GULP1: variants seen among roughly 807,000 people sequenced by gnomAD.
GULP1 encodes GULP PTB domain containing engulfment adaptor 1, also known as PTB domain-containing engulfment adapter protein 1.
Under a neutral mutation model 40.9 loss-of-function variants are expected in GULP1, and 19 were observed. That is an observed-to-expected ratio of 0.46 (90% confidence interval 0.32 to 0.68). The LOEUF (loss-of-function observed/expected upper bound fraction) is 0.68, where lower values mean the gene tolerates loss of function less well. GULP1 is among the 30% of genes least tolerant of loss of function. The pLI, the probability that GULP1 is intolerant of heterozygous loss-of-function variation, is 0.03. For missense variants in GULP1, 312 were observed against 362.2 expected (o/e 0.86, Z 1.12); for synonymous variants, 119 against 117.6 (o/e 1.01, Z -0.08).
intron 2 of GULP1, among the ~76,000 whole-genome samples, chr2:188,446,023 C>G (rs192763718): frequency 7.9e-5 from 12 of 152,268 alleles, no homozygotes; most frequent in South Asian, 6.2e-4. Context: ...ATTCCTCTAG[C>G]CTTTCTTGTC....
intron 1 of GULP1, among the ~76,000 whole-genome samples, chr2:188,363,243 T>A (rs567213499): frequency 1.8e-4 from 28 of 152,140 alleles, no homozygotes; most frequent in Non-Finnish European, 3.5e-4. Context: ...TTTGAATAAT[T>A]ACAGTATATC....
At chr2:188,455,182 C>T (rs79172526) in intron 2 of GULP1, among the ~76,000 whole-genome samples, 2,936 of 152,166 alleles carry the variant, frequency 0.019, 89 homozygotes, top group African/African-American at 0.064. Flanking sequence ...AATATATTCA[C>T]ATGACAGACA....
intron 2 of GULP1, among the ~76,000 whole-genome samples, chr2:188,412,698 C>T (rs921273742): frequency 3.9e-5 from 6 of 152,114 alleles, no homozygotes; most frequent in African/African-American, 1.4e-4. Context: ...AGACTTGAAG[C>T]CTTTTGAATT....
At chr2:188,392,021 A>G (rs143856994) in intron 2 of GULP1, among the ~76,000 whole-genome samples, 58 of 151,850 alleles carry the variant, frequency 3.8e-4, no homozygotes, top group Admixed American at 1.2e-3. Flanking sequence ...CTAATATTCT[A>G]TTGAGGATTT....
chr2:188,538,690 T>A (rs1327624110), intron 6 of GULP1, among the ~76,000 whole-genome samples: 1 of 146,926 alleles, frequency 6.8e-6, no homozygotes, highest in Non-Finnish European at 1.5e-5. Flanking sequence ...TGAGTGTGTG[T>A]GTGAGTGTGT....
At chr2:188,303,803 A>G (rs1446964172) in intron 1 of GULP1, among the ~76,000 whole-genome samples, 2 of 152,200 alleles carry the variant, frequency 1.3e-5, no homozygotes, top group East Asian at 1.9e-4. Context: ...TGCAATAAAC[A>G]TGCTTGAGAT....
At chr2:188,412,734 A>G (rs1166695264) in intron 2 of GULP1, among the ~76,000 whole-genome samples, 3 of 152,158 alleles carry the variant, frequency 2.0e-5, no homozygotes, top group Non-Finnish European at 4.4e-5. Flanking sequence ...ACTTTGCAAA[A>G]TTATTTGAGT....
Position 188,594,144 on chromosome 2 carries a change from A to C in GULP1, c.*133A>C. 1.9e-6 allele frequency: 1 copy of C among 529,924 alleles called. No individual in the cohort carries two copies. 32.8% of individuals were successfully genotyped at this position (529,924 alleles called of 1,614,324 possible). A position where few individuals can be genotyped will look rare whatever the true frequency, so the allele number is the denominator to read the frequency against. On this transcript the variant is annotated 3_prime_UTR_variant, in exon 12 of 12. Transcript: ENST00000409830. The stretch of plus-strand genomic sequence containing the variant: ...ATTTTAATATTTTGAAAATTTTCTC[A>C]GTTAAATTTCCTCACCTTCACTATT...
chr2:188,397,303 C>G (rs563812925), intron 2 of GULP1, among the ~76,000 whole-genome samples: 1 of 152,134 alleles, frequency 6.6e-6, no homozygotes, highest in South Asian at 2.1e-4. Context: ...CAGAATCTAC[C>G]TTCTCTAAAA....
chr2:188,587,488 G>T (rs920795263), intron 10 of GULP1, among the ~76,000 whole-genome samples: 1 of 152,120 alleles, frequency 6.6e-6, no homozygotes, highest in Non-Finnish European at 1.5e-5. Flanking sequence ...TGGAATTAGG[G>T]TAGTCTCAAT....
intron 1 of GULP1, among the ~76,000 whole-genome samples, chr2:188,375,424 T>C (rs1213735508): frequency 6.6e-6 from 1 of 152,240 alleles, no homozygotes; most frequent in Non-Finnish European, 1.5e-5. Flanking sequence ...ATTAAACTAA[T>C]GACTTTTTAT....
chr2:188,346,307 G>A (rs539040243), intron 1 of GULP1, among the ~76,000 whole-genome samples: 11 of 152,170 alleles, frequency 7.2e-5, no homozygotes, highest in African/African-American at 2.2e-4. Flanking sequence ...AGAAATCTCC[G>A]GGTTAATGAG....
chr2:188,421,304 C>A (rs1223224993), intron 2 of GULP1, among the ~76,000 whole-genome samples: 1 of 151,860 alleles, frequency 6.6e-6, no homozygotes, highest in Non-Finnish European at 1.5e-5. Context: ...TAGACCTATG[C>A]CTGTATAAAT....
chr2:188,373,805 TATTA>T (rs1240104609), intron 1 of GULP1, among the ~76,000 whole-genome samples: 1 of 152,006 alleles, frequency 6.6e-6, no homozygotes, highest in African/African-American at 2.4e-5. Context: ...TAAAATATGT[TATTA>T]ATTCATTTGG....
chr2:188,575,937 G>C (rs1246056700), intron 9 of GULP1, among the ~76,000 whole-genome samples: 1 of 152,090 alleles, frequency 6.6e-6, no homozygotes, highest in Non-Finnish European at 1.5e-5. Flanking sequence ...TATGAGCAGA[G>C]CTTGATTTTT....
chr2:188,568,881 A>T (rs926605082), intron 7 of GULP1, among the ~76,000 whole-genome samples: 2 of 152,216 alleles, frequency 1.3e-5, no homozygotes, highest in Non-Finnish European at 2.9e-5. Context: ...CTTTCATTTC[A>T]TAGGCACTAA....
intron 1 of GULP1, among the ~76,000 whole-genome samples, chr2:188,313,987 C>T (rs1372127892): frequency 1.4e-5 from 2 of 147,828 alleles, no homozygotes. Context: ...TTTAAAGTTT[C>T]ATAAAAAGGA....
chr2:188,539,291 A>C lies in GULP1; in HGVS notation c.262-1890A>C, dbSNP rs548120055. ...TAATATTTTCTCTTTATTTATCATTAACATGCTTTTACAATTAATAAGCTG... is the reference window on the plus strand; with the variant it reads ...TAATATTTTCTCTTTATTTATCATTCACATGCTTTTACAATTAATAAGCTG... On this transcript the variant is annotated intron_variant, in intron 6 of 11. Coordinates refer to ENST00000409830, the MANE Select transcript of GULP1 (RefSeq NM_016315.4). 2.1e-4 allele frequency among the ~76,000 whole-genome samples: 32 copies of C among 152,258 alleles called. 1 individual carries two copies. In the South Asian group the frequency reaches 6.0e-3, roughly 29 times the overall value.
chr2:188,517,813 G>A (rs548478022), intron 4 of GULP1, among the ~76,000 whole-genome samples: 1 of 152,086 alleles, frequency 6.6e-6, no homozygotes, highest in African/African-American at 2.4e-5. Flanking sequence ...GAGTCTAGGG[G>A]AACTTTCAAT....
Sources: allele counts gnomAD v4.1 joint callset (sites outside exome capture counted in the v4.1 genomes callset), GRCh38; gene constraint gnomAD v4.1.1; transcripts MANE v1.5; gene names NCBI Gene and HGNC (gene_info 2026-07-23, HGNC 2026-07-21).